RGS6: variants seen among roughly 807,000 people sequenced by gnomAD.
The protein encoded by RGS6 is regulator of G protein signaling 6.
RGS6 carries 30 observed loss-of-function variants against 78.5 expected under a neutral mutation model. That is an observed-to-expected ratio of 0.38 (90% CI 0.29 to 0.52). RGS6 has a LOEUF of 0.52. RGS6 is among the 20% of genes least tolerant of loss of function. RGS6 has a pLI of 0.85. For missense variants in RGS6, 495 were observed against 609.7 expected (o/e 0.81, Z 1.98); for synonymous variants, 206 against 206.0 (o/e 1.00, Z 0.00).
chr14:72,497,132 G>A (rs1204992934), intron 13 of RGS6, among the ~76,000 whole-genome samples: 3 of 152,116 alleles, frequency 2.0e-5, no homozygotes, highest in African/African-American at 7.2e-5. Flanking sequence ...GAAATGGTAT[G>A]CATATTTTAA....
intron 3 of RGS6, among the ~76,000 whole-genome samples, chr14:72,394,462 G>A (rs556367814): frequency 2.6e-5 from 4 of 152,256 alleles, no homozygotes; most frequent in East Asian, 1.9e-4. Flanking sequence ...CTTATCAACC[G>A]TAAAAGACAG....
At chr14:72,526,975 G>C (rs1159338730) in intron 15 of RGS6, among the ~76,000 whole-genome samples, 1 of 152,204 alleles carries the variant, frequency 6.6e-6, no homozygotes, top group African/African-American at 2.4e-5. Flanking sequence ...CAAGTCTCTT[G>C]AAAGGTGAGA....
chr14:72,258,312 G>T (rs1037777504), intron 2 of RGS6, among the ~76,000 whole-genome samples: 2 of 152,188 alleles, frequency 1.3e-5, no homozygotes, highest in Non-Finnish European at 2.9e-5. Context: ...GATTTGGCCA[G>T]ATTCTCAAAC....
chr14:72,261,202 G>C (rs2058090921), intron 2 of RGS6, among the ~76,000 whole-genome samples: 1 of 152,280 alleles, frequency 6.6e-6, no homozygotes, highest in Non-Finnish European at 1.5e-5. Flanking sequence ...AGCTGACTTT[G>C]GTAGCCAAGA....
chr14:72,474,522 G>T, intron 9 of RGS6, 103 bp from the exon 10 acceptor site: 2 of 1,059,432 alleles, frequency 1.9e-6, no homozygotes, highest in Admixed American at 2.5e-5. Flanking sequence ...TGCATTGTCT[G>T]TAATGGAAAA....
intron 6 of RGS6, among the ~76,000 whole-genome samples, chr14:72,459,947 C>T (rs1447783793): frequency 6.6e-6 from 1 of 152,122 alleles, no homozygotes; most frequent in African/African-American, 2.4e-5. Flanking sequence ...GTATGTTCAT[C>T]TTGGGGCCAT....
chr14:72,297,438 T>A (rs1046411861), intron 2 of RGS6, among the ~76,000 whole-genome samples: 13 of 146,606 alleles, frequency 8.9e-5, no homozygotes, highest in South Asian at 2.1e-4. Context: ...TATTTTTTTT[T>A]TATACTTTAA....
chr14:72,314,514 G>A (rs1209385230), intron 2 of RGS6, among the ~76,000 whole-genome samples: 1 of 152,054 alleles, frequency 6.6e-6, no homozygotes, highest in Admixed American at 6.6e-5. Context: ...GAGAAGGTGA[G>A]TGTTTAGCTT....
intron 2 of RGS6, among the ~76,000 whole-genome samples, chr14:72,322,804 A>G (rs2072467914): frequency 6.6e-6 from 1 of 152,090 alleles, no homozygotes; most frequent in East Asian, 1.9e-4. Flanking sequence ...TATCATCTCC[A>G]TAAATACTTG....
intron 12 of RGS6, among the ~76,000 whole-genome samples, chr14:72,478,674 A>T (rs2096296636): frequency 6.6e-6 from 1 of 152,240 alleles, no homozygotes; most frequent in African/African-American, 2.4e-5. Context: ...TAAAATGCCC[A>T]GATTCACTTT....
chr14:71,992,847 TA>T (rs2095024380), intron 2 of RGS6, among the ~76,000 whole-genome samples: 1 of 152,214 alleles, frequency 6.6e-6, no homozygotes, highest in Non-Finnish European at 1.5e-5. Flanking sequence ...GCTACTTTAA[TA>T]GGTAAAACAA....
chr14:72,258,588 A>G (rs2057533361), intron 2 of RGS6, among the ~76,000 whole-genome samples: 2 of 152,186 alleles, frequency 1.3e-5, no homozygotes, highest in South Asian at 4.1e-4. Flanking sequence ...TTTAAAGTCG[A>G]TGGAGCACTT....
At chr14:72,595,984 G>A in the RGS6 span, among the ~76,000 whole-genome samples, 1 of 152,192 alleles carries the variant, frequency 6.6e-6, no homozygotes, top group Non-Finnish European at 1.5e-5. Flanking sequence ...GAAGGAACCA[G>A]GGTTGTATAG....
At chr14:71,973,025 A>G (rs1168175283) in intron 2 of RGS6, among the ~76,000 whole-genome samples, 2 of 152,126 alleles carry the variant, frequency 1.3e-5, no homozygotes, top group South Asian at 2.1e-4. Flanking sequence ...ATGGACCAGG[A>G]TATCTGGGTA....
chr14:71,882,254 G>A, the RGS6 span, among the ~76,000 whole-genome samples: 21 of 152,256 alleles, frequency 1.4e-4, no homozygotes, highest in South Asian at 2.1e-4. Flanking sequence ...AGTTTTATCC[G>A]TGCTGTAGTG....
chr14:72,395,307 T>C (rs1460435111), intron 3 of RGS6, among the ~76,000 whole-genome samples: 2 of 152,188 alleles, frequency 1.3e-5, no homozygotes, highest in Non-Finnish European at 2.9e-5. Flanking sequence ...TTTCAAAGAT[T>C]ATGTAGGCAT....
At chr14:72,347,039 A>G (rs2078192145) in intron 2 of RGS6, among the ~76,000 whole-genome samples, 2 of 152,204 alleles carry the variant, frequency 1.3e-5, no homozygotes, top group South Asian at 4.1e-4. Flanking sequence ...TCCAGGCAGA[A>G]CCAGCCTAGC....
intron 2 of RGS6, among the ~76,000 whole-genome samples, chr14:72,325,306 C>A (rs755798467): frequency 1.3e-5 from 2 of 152,150 alleles, no homozygotes; most frequent in Non-Finnish European, 2.9e-5. Flanking sequence ...TGTATGTTGC[C>A]TGTTCACTCT....
intron 2 of RGS6, among the ~76,000 whole-genome samples, chr14:72,190,679 T>C (rs2097312109): frequency 6.6e-6 from 1 of 152,194 alleles, no homozygotes; most frequent in Admixed American, 6.5e-5. Flanking sequence ...TACAAGTATG[T>C]AGAGGAGAAT....
Sources: gnomAD v4.1 joint callset for allele counts (sites outside exome capture counted in the v4.1 genomes callset) on GRCh38, gnomAD v4.1.1 for gene constraint, MANE v1.5 for transcripts, NCBI Gene and HGNC (gene_info 2026-07-23, HGNC 2026-07-21) for gene names.